NUP210L: variants seen among roughly 807,000 people sequenced by gnomAD.
NUP210L encodes nuclear pore membrane glycoprotein 210-like.
A neutral mutation model predicts 208.5 loss-of-function variants in NUP210L; 74 were observed. That is an observed-to-expected ratio of 0.35 (90% CI 0.29 to 0.43). The LOEUF is 0.43. NUP210L is among the 20% of genes least tolerant of loss of function. NUP210L has a pLI of 1.00. For synonymous variants in NUP210L, 780 were observed against 816.9 expected (o/e 0.95, Z 0.77); for missense variants, 1,843 against 2,289.4 (o/e 0.81, Z 3.98).
chr1:153,999,734 CAAAAAAAAAAA>C (rs1172554188), intron 37 of NUP210L, among the ~76,000 whole-genome samples: 1 of 54,594 alleles, frequency 1.8e-5, no homozygotes, highest in Admixed American at 2.5e-4. Flanking sequence ...AAGACTCTCT[CAAAAAAAAAAA>C]AAAAAAAAAA....
At position 154,055,167 on chromosome 1, in the gene NUP210L, CTTTCTTTCT is replaced by C. The variant is rs768218830; in HGVS notation, c.3241-344_3241-336del. On this transcript the variant is annotated intron_variant, in intron 23 of 39. Coordinates refer to ENST00000368559, the Ensembl canonical transcript of NUP210L. ...TCTTTCTTTCTTTCTTTCTTTCTTT[CTTTCTTTCT>C]TTCTTTCTTTCTTTTTCTTTCTTTC... Among the ~76,000 whole-genome samples, 467 of 119,310 alleles carry C rather than the reference CTTTCTTTCT, an allele frequency of 3.9e-3. 4 individuals carry two copies. The highest frequency in any genetic ancestry group is 9.1e-3 in the South Asian group (31 of 3,412). 78.3% of individuals were successfully genotyped at this position (119,310 alleles called of 152,430 possible).
intron 35 of NUP210L, among the ~76,000 whole-genome samples, chr1:154,004,928 AC>A (rs1273616880): frequency 3.7e-5 from 5 of 135,100 alleles, no homozygotes; most frequent in African/African-American, 1.4e-4. Flanking sequence ...ATTTTGGCTC[AC>A]TGCAACCTCC....
intron 12 of NUP210L, among the ~76,000 whole-genome samples, chr1:154,106,608 G>A (rs112863079): frequency 7.6e-4 from 116 of 152,330 alleles, no homozygotes; most frequent in African/African-American, 2.2e-3. Context: ...AGTGGTGGTG[G>A]CCACAGAGGG....
chr1:154,115,559 TTC>T (rs1225069414), intron 12 of NUP210L, among the ~76,000 whole-genome samples: 1 of 152,186 alleles, frequency 6.6e-6, no homozygotes, highest in East Asian at 1.9e-4. Context: ...ACACAAGGAT[TTC>T]TCTTTTACAA....
intron 10 of NUP210L, among the ~76,000 whole-genome samples, chr1:154,124,825 G>A (rs534743840): frequency 1.4e-3 from 214 of 152,144 alleles, no homozygotes; most frequent in Non-Finnish European, 2.6e-3. Context: ...GGTGGCACAC[G>A]CCTGTAGTCC....
chr1:154,062,567 C>CTTTTTTTTTTTTTTT (rs34499821), intron 17 of NUP210L, among the ~76,000 whole-genome samples: 68 of 74,984 alleles, frequency 9.1e-4, no homozygotes, highest in Admixed American at 1.4e-3. Flanking sequence ...TTTCTTTTTC[C>CTTTTTTTTTTTTTTT]TTTTTTTTTT....
At chr1:154,088,152 A>G (rs1655721676) in intron 16 of NUP210L, among the ~76,000 whole-genome samples, 1 of 152,120 alleles carries the variant, frequency 6.6e-6, no homozygotes, top group African/African-American at 2.4e-5. Flanking sequence ...AGCCTGGGCA[A>G]CATGGCAAAA....
At position 154,139,865 on chromosome 1, in the gene NUP210L, T is replaced by C. The variant is rs189088559; in HGVS notation, c.654A>G (p.Leu218=). The C allele has an allele frequency of 4.7e-5, 76 of 1,613,516 alleles. No individual in the cohort carries two copies. In the East Asian group the frequency reaches 1.7e-3, roughly 35 times the overall value. The change falls in exon 5 of 40, where the codon TTA becomes TTG. Residue 218 remains leucine (L), a synonymous_variant. Coordinates refer to ENST00000368559, the Ensembl canonical transcript of NUP210L. ...CAGCACCAGTTCTAATCCCAGACAC[T>C]AAAATCACATCTCCTTGTTTCTCCT...
chr1:154,105,735 G>T (rs1656724045), intron 12 of NUP210L, among the ~76,000 whole-genome samples: 1 of 152,172 alleles, frequency 6.6e-6, no homozygotes, highest in Non-Finnish European at 1.5e-5. Flanking sequence ...GGCTTCAGGG[G>T]TCCCCAATTT....
At chr1:153,999,536 C>A (rs901352112) in intron 37 of NUP210L, among the ~76,000 whole-genome samples, 1 of 151,818 alleles carries the variant, frequency 6.6e-6, no homozygotes, top group South Asian at 2.1e-4. Context: ...TCAGGAGTTC[C>A]AGACCAGCCT....
intron 8 of NUP210L, among the ~76,000 whole-genome samples, chr1:154,128,625 C>G (rs1658101693): frequency 6.8e-6 from 1 of 148,084 alleles, no homozygotes; most frequent in South Asian, 2.2e-4. Context: ...CCGAGGAGAG[C>G]AAATCGCTTG....
At chr1:154,118,211 A>G (rs1009100589) in intron 11 of NUP210L, among the ~76,000 whole-genome samples, 40 of 152,160 alleles carry the variant, frequency 2.6e-4, no homozygotes, top group African/African-American at 9.4e-4. Flanking sequence ...CCGGAGGCTG[A>G]GGCAGGAGAA....
intron 16 of NUP210L, among the ~76,000 whole-genome samples, chr1:154,075,317 CAT>C (rs1409384688): frequency 6.6e-6 from 1 of 152,066 alleles, no homozygotes; most frequent in South Asian, 2.1e-4. Context: ...CCCACGTATA[CAT>C]ATATATACAC....
At chr1:154,017,519 C>CTTTTTTT (rs553512184) in intron 33 of NUP210L, among the ~76,000 whole-genome samples, 1 of 127,982 alleles carries the variant, frequency 7.8e-6, no homozygotes. Flanking sequence ...TTCTTTCTTT[C>CTTTTTTT]TTTTTTTTTT....
At chr1:154,128,346 C>T (rs1005533581) in intron 8 of NUP210L, among the ~76,000 whole-genome samples, 11 of 150,382 alleles carry the variant, frequency 7.3e-5, no homozygotes, top group Admixed American at 4.0e-4. Context: ...ATTAGCTGAA[C>T]GTGGTGGCTC....
intron 14 of NUP210L, among the ~76,000 whole-genome samples, chr1:154,098,624 C>T (rs1656298087): frequency 6.6e-6 from 1 of 152,168 alleles, no homozygotes; most frequent in South Asian, 2.1e-4. Flanking sequence ...TGCCCAATGT[C>T]TTCTGCCCAG....
At chr1:154,131,771 T>A (rs1250311518) in intron 7 of NUP210L, among the ~76,000 whole-genome samples, 3 of 152,120 alleles carry the variant, frequency 2.0e-5, no homozygotes, top group Admixed American at 2.0e-4. Flanking sequence ...ATCAGGAAAC[T>A]CCTCTTTCTG....
intron 17 of NUP210L, among the ~76,000 whole-genome samples, chr1:154,067,111 G>A (rs927358733): frequency 6.6e-6 from 1 of 152,108 alleles, no homozygotes; most frequent in African/African-American, 2.4e-5. Context: ...GCATCATCCT[G>A]ATACCAACGC....
At chr1:154,023,776 C>T (rs372946163) in intron 30 of NUP210L, among the ~76,000 whole-genome samples, 4 of 151,394 alleles carry the variant, frequency 2.6e-5, no homozygotes, top group African/African-American at 9.7e-5. Flanking sequence ...CTGTGCCCGG[C>T]TTGAAATGGG....
Sources: allele counts gnomAD v4.1 joint callset (sites outside exome capture counted in the v4.1 genomes callset), GRCh38; gene constraint gnomAD v4.1.1; transcripts MANE v1.5; gene names NCBI Gene and HGNC (gene_info 2026-07-23, HGNC 2026-07-21).